The following HPSE2 variants were observed in gnomAD, a reference collection of about 807,000 sequenced individuals.
The protein encoded by HPSE2 is inactive heparanase-2.
A neutral mutation model predicts 60.5 loss-of-function variants in HPSE2; 38 were observed. The ratio of observed to expected loss-of-function variants is 0.63; its 90% CI spans 0.48 to 0.82. The LOEUF (loss-of-function observed/expected upper bound fraction) is 0.82. Among genes scored for constraint, HPSE2 ranks in the 40% least tolerant of loss-of-function variants. The pLI is 0.00. For missense variants in HPSE2, 713 were observed against 740.4 expected (o/e 0.96, Z 0.43); for synonymous variants, 295 against 293.2 (o/e 1.01, Z -0.06).
At chr10:98,638,950 T>C (rs1360159074) in intron 7 of HPSE2, among the ~76,000 whole-genome samples, 1 of 152,228 alleles carries the variant, frequency 6.6e-6, no homozygotes, top group African/African-American at 2.4e-5. Context: ...AGATCATATT[T>C]TCCAAAAATG....
At chr10:99,075,909 T>A (rs138543110) in intron 3 of HPSE2, among the ~76,000 whole-genome samples, 2 of 152,304 alleles carry the variant, frequency 1.3e-5, no homozygotes, top group Non-Finnish European at 2.9e-5. Context: ...TGTATGTGTT[T>A]CAATTTAAAA....
chr10:98,715,500 T>A (rs1434557166), intron 5 of HPSE2, among the ~76,000 whole-genome samples: 2 of 151,986 alleles, frequency 1.3e-5, no homozygotes, highest in African/African-American at 4.8e-5. Context: ...GCTACTGATT[T>A]CTTTTTTGTG....
chr10:98,828,533 TG>T (rs1468985418), intron 3 of HPSE2, among the ~76,000 whole-genome samples: 10 of 152,280 alleles, frequency 6.6e-5, no homozygotes, highest in Non-Finnish European at 1.3e-4. Context: ...CAATTAAAAA[TG>T]GGCATAGGAC....
chr10:98,808,458 T>C (rs1230280197), intron 3 of HPSE2, among the ~76,000 whole-genome samples: 1 of 152,170 alleles, frequency 6.6e-6, no homozygotes, highest in Admixed American at 6.6e-5. Flanking sequence ...GTCAATAAAA[T>C]ACACTTTCTA....
At chr10:99,143,441 T>A (rs757822587) in intron 3 of HPSE2, among the ~76,000 whole-genome samples, 20 of 152,234 alleles carry the variant, frequency 1.3e-4, no homozygotes, top group South Asian at 1.2e-3. Context: ...TTTATTTTTT[T>A]AATATTCATA....
intron 3 of HPSE2, among the ~76,000 whole-genome samples, chr10:98,788,496 T>G (rs1026938368): frequency 2.1e-5 from 3 of 143,390 alleles, no homozygotes; most frequent in African/African-American, 7.8e-5. Context: ...CCCGGCTGCT[T>G]TGTTTACGTA....
chr10:98,738,070 G>A (rs1949403436), intron 4 of HPSE2, among the ~76,000 whole-genome samples: 1 of 152,144 alleles, frequency 6.6e-6, no homozygotes, highest in Non-Finnish European at 1.5e-5. Flanking sequence ...CACACTACCT[G>A]ACTTCAAACT....
chr10:98,850,476 C>T (rs1488012450), intron 3 of HPSE2, among the ~76,000 whole-genome samples: 1 of 152,082 alleles, frequency 6.6e-6, no homozygotes, highest in Non-Finnish European at 1.5e-5. Flanking sequence ...GTGGCTCACA[C>T]CTGTAATCCC....
intron 3 of HPSE2, among the ~76,000 whole-genome samples, chr10:98,841,472 T>TA (rs1565202821): frequency 6.6e-6 from 1 of 152,252 alleles, no homozygotes; most frequent in South Asian, 2.1e-4. Flanking sequence ...TTAGCTTTAT[T>TA]AAAAAAAGGT....
the HPSE2 span, among the ~76,000 whole-genome samples, chr10:99,305,969 G>GCACA: frequency 6.2e-3 from 313 of 50,882 alleles, 1 homozygote; most frequent in African/African-American, 0.026. Flanking sequence ...ACACGCGCGC[G>GCACA]CGCGCGCGCG....
intron 3 of HPSE2, among the ~76,000 whole-genome samples, chr10:98,840,860 A>C (rs1951894400): frequency 6.6e-6 from 1 of 152,208 alleles, no homozygotes; most frequent in Admixed American, 6.5e-5. Flanking sequence ...TTTTAGAGAG[A>C]AAAAAGTTTT....
upstream of HPSE2, among the ~76,000 whole-genome samples, chr10:99,239,618 C>T (rs181777378): frequency 1.0e-3 from 154 of 151,532 alleles, 1 homozygote; most frequent in African/African-American, 3.6e-3. Flanking sequence ...TTAGTAGAGA[C>T]GGGGCTTCAC....
intron 6 of HPSE2, among the ~76,000 whole-genome samples, chr10:98,643,955 C>T (rs1946701922): frequency 6.6e-6 from 1 of 152,166 alleles, no homozygotes; most frequent in East Asian, 1.9e-4. Flanking sequence ...CTACATTACA[C>T]ATCAGTATTT....
At chr10:98,915,777 G>A (rs566197565) in intron 3 of HPSE2, among the ~76,000 whole-genome samples, 6 of 152,332 alleles carry the variant, frequency 3.9e-5, no homozygotes, top group African/African-American at 1.2e-4. Flanking sequence ...AAAAGAAAGA[G>A]CATGCGGAAA....
intron 3 of HPSE2, among the ~76,000 whole-genome samples, chr10:99,063,998 C>G (rs992067106): frequency 2.0e-5 from 3 of 152,166 alleles, no homozygotes; most frequent in Non-Finnish European, 4.4e-5. Flanking sequence ...GAAGCTGAGG[C>G]AGGAGAATTG....
intron 1 of HPSE2, 150 bp from the exon 2 acceptor site, chr10:99,232,655 C>T: frequency 1.1e-6 from 1 of 916,832 alleles, no homozygotes; most frequent in South Asian, 1.6e-5. Context: ...CCACGCTGGC[C>T]CTTGGCCGCT....
chr10:99,092,996 G>A lies in HPSE2; in HGVS notation c.610+51242C>T, dbSNP rs555217944. Among the ~76,000 whole-genome samples the A allele has an allele frequency of 3.3e-5, 5 of 152,250 alleles. No individual in the cohort carries two copies. The East Asian group carries it at 5.8e-4, about 18-fold the overall frequency. On this transcript the variant is annotated intron_variant, in intron 3 of 11. Coordinates refer to ENST00000370552, the MANE Select transcript of HPSE2 (RefSeq NM_021828.5). ...CTATAATCACAGCACTTTGGAGGTC[G>A]AAGTGGGCAGATCACAAGGTCAGGA... is the stretch of plus-strand genomic sequence containing the variant.
At chr10:98,654,075 A>G (rs1240347878) in intron 6 of HPSE2, among the ~76,000 whole-genome samples, 1 of 151,916 alleles carries the variant, frequency 6.6e-6, no homozygotes, top group Non-Finnish European at 1.5e-5. Context: ...CTTCATATCA[A>G]TGCACTTCAT....
At chr10:99,221,107 A>T (rs558796149) in intron 2 of HPSE2, among the ~76,000 whole-genome samples, 1 of 152,176 alleles carries the variant, frequency 6.6e-6, no homozygotes, top group Non-Finnish European at 1.5e-5. Flanking sequence ...AGCCTCCCAA[A>T]GTGCTGGAAT....
Sources: gnomAD v4.1 joint callset for allele counts (sites outside exome capture counted in the v4.1 genomes callset) on GRCh38, gnomAD v4.1.1 for gene constraint, MANE v1.5 for transcripts, NCBI Gene and HGNC (gene_info 2026-07-23, HGNC 2026-07-21) for gene names.